Variants in NCKAP5L observed in about 807,000 individuals in gnomAD.
NCKAP5L encodes NCK associated protein 5 like, also known as nck-associated protein 5-like.
In NCKAP5L, 54 loss-of-function variants were observed where a neutral mutation model predicts 103.2. The observed-to-expected ratio is 0.52, with a 90% CI of 0.42 to 0.66. The LOEUF (loss-of-function observed/expected upper bound fraction) is 0.66, where lower values mean the gene tolerates loss of function less well. NCKAP5L is among the 30% of genes least tolerant of loss of function. NCKAP5L has a pLI of 0.00. For synonymous variants in NCKAP5L, 762 were observed against 748.6 expected, an observed-to-expected ratio of 1.02 and a Z score of -0.29; for missense variants, 1,733 against 1,750.6, an observed-to-expected ratio of 0.99 and a Z score of 0.18.
At chr12:49,801,688 C>A (rs1186533153) in intron 6 of NCKAP5L, among the ~76,000 whole-genome samples, 160 bp downstream of exon 6, 2 of 152,180 alleles carry the variant, frequency 1.3e-5, no homozygotes, top group African/African-American at 4.8e-5. Context: ...AGGGAACGGC[C>A]AAACCCAGGG....
chr12:49,795,360 G>T lies in NCKAP5L; in HGVS notation c.2500C>A (p.Leu834Ile), dbSNP rs752452678. Residue 834 changes from leucine to isoleucine, a missense_variant, in exon 8 of 13, where the codon CTA becomes ATA. Coordinates refer to ENST00000335999, the MANE Select transcript of NCKAP5L (RefSeq NM_001037806.4). ...GGCTTGGGGGACTCCTTGGTGACTA[G>T]CGGAGCCCCAGGTCGAGGCACCACC... Reference protein sequence around the residue: ...TKVVPRPGAPLVTKESPKPDK... With the variant: ...TKVVPRPGAPIVTKESPKPDK... 1 of 1,547,470 alleles carries T rather than the reference G, an allele frequency of 6.5e-7. No homozygotes were observed. The highest frequency in any genetic ancestry group is 8.7e-7 in the Non-Finnish European group (1 of 1,153,334).
chr12:49,814,132 T>A, intron 1 of NCKAP5L, among the ~76,000 whole-genome samples: 1 of 149,282 alleles, frequency 6.7e-6, no homozygotes. Flanking sequence ...TCTTTACATA[T>A]TCTAGATACA....
intron 1 of NCKAP5L, among the ~76,000 whole-genome samples, chr12:49,806,391 T>C (rs1174254932): frequency 6.6e-6 from 1 of 152,260 alleles, no homozygotes; most frequent in East Asian, 1.9e-4. Context: ...CAACATACAT[T>C]GTCTTGCCTC....
At chr12:49,793,214 T>C (rs1945968900) in intron 10 of NCKAP5L, 138 bp downstream of exon 10, 1 of 901,468 alleles carries the variant, frequency 1.1e-6, no homozygotes, top group Admixed American at 2.2e-5. Flanking sequence ...CCTGTGTAGC[T>C]CCAGTGCCCA....
At chr12:49,808,714 C>T (rs753763419) in intron 1 of NCKAP5L, among the ~76,000 whole-genome samples, 4 of 152,166 alleles carry the variant, frequency 2.6e-5, no homozygotes, top group Non-Finnish European at 2.9e-5. Context: ...GGCTGAGCAC[C>T]GCCTCCTCCC....
At position 49,796,024 on chromosome 12, in the gene NCKAP5L, C is replaced by A. The variant is rs2720298; in HGVS notation, c.1836G>T (p.Ser612=). The A allele has an allele frequency of 0.43, 662,523 of 1,550,446 alleles. 150,693 individuals are homozygous for A. The highest frequency in any genetic ancestry group is 0.7 in the African/African-American group (50,490 of 72,496). ...GVPPSPCLPE[S]YPYGSPQEKS... Reference sequence around the variant, plus strand: ...TCTCTTGGGGGCTCCCATAGGGGTACGATTCTGGGAGGCAAGGACTGGGGG... The same window carrying A: ...TCTCTTGGGGGCTCCCATAGGGGTAAGATTCTGGGAGGCAAGGACTGGGGG... Residue 612 remains serine (S), a synonymous_variant, in exon 8 of 13, where the codon TCG becomes TCT. Transcript: ENST00000335999.
rs760796522 is a variant in NCKAP5L, at chr12:49,796,380, C to T, written c.1480G>A (p.Asp494Asn). 7.0e-6 allele frequency: 11 copies of T among 1,579,716 alleles called. No individual in the cohort carries two copies. The Admixed American group carries it at 1.8e-4, about 26-fold the overall frequency. Reference protein sequence around the residue: ...SRIPCRNSGSDGSPSPLLARR... With the variant: ...SRIPCRNSGSNGSPSPLLARR... ...GCCAACAGTGGGGAGGGGCTGCCGT[C>T]TGAGCCACTGTTCCGACAGGGGATT... The change falls in exon 8 of 13, where the codon GAC (aspartate) becomes AAC (asparagine). Residue 494 changes from aspartate to asparagine, a missense_variant. By Grantham distance (23) the Asp-to-Asn change is conservative. Transcript: ENST00000335999.
Position 49,796,939 on chromosome 12 carries a change from G to C in NCKAP5L, c.921C>G (p.Asp307Glu), listed in dbSNP as rs1377146576. The C allele has an allele frequency of 6.2e-7, 1 of 1,606,112 alleles. No individual in the cohort carries two copies. Among genetic ancestry groups the C allele is most frequent in the Non-Finnish European group, 8.5e-7 (1 of 1,176,900 alleles). ...TGTCGGGGCTGGGTGCCTCATTGGG[G>C]TCACCTGCCTCATCAGAAGAGGAGG... Reference protein sequence around the residue: ...SSSSSSDEAGDPNEAPSPDTL... With the variant: ...SSSSSSDEAGEPNEAPSPDTL... Residue 307 changes from aspartate to glutamate, a missense_variant, in exon 8 of 13, where the codon GAC (aspartate) becomes GAG (glutamate). Coordinates refer to ENST00000335999, the MANE Select transcript of NCKAP5L (RefSeq NM_001037806.4).
chr12:49,809,659 T>C (rs1472414013), intron 1 of NCKAP5L, among the ~76,000 whole-genome samples: 1 of 151,986 alleles, frequency 6.6e-6, no homozygotes, highest in African/African-American at 2.4e-5. Flanking sequence ...GCAACTTCTG[T>C]CCCCACAGCA....
At chr12:49,814,143 A>G (rs1389951733) in intron 1 of NCKAP5L, among the ~76,000 whole-genome samples, 1 of 137,192 alleles carries the variant, frequency 7.3e-6, no homozygotes, top group Admixed American at 7.4e-5. Flanking sequence ...TCTAGATACA[A>G]GTCCTTTATT....
Position 49,793,804 on chromosome 12 carries a change from G to C in NCKAP5L, c.3188C>G (p.Pro1063Arg). ...FQPVSSDPKS[P>R]WPACGPRNGL... ...ATTCCGGGGCCCACAGGCTGGCCAG[G>C]GGCTCTTGGGGTCAGAAGACACCGG... The change falls in exon 9 of 13, where the codon CCC (proline) becomes CGC (arginine). Residue 1063 changes from proline to arginine, a missense_variant. Pro to Arg is a moderately radical substitution (Grantham distance 103). Transcript: ENST00000335999. 6.2e-7 allele frequency: 1 copy of C among 1,602,662 alleles called. No homozygotes were observed. Among genetic ancestry groups the C allele is most frequent in the Non-Finnish European group, 8.5e-7 (1 of 1,174,690 alleles).
At chr12:49,793,465 C>T (rs2136992318) in intron 9 of NCKAP5L, 32 bp from the exon 10 acceptor site, 3 of 1,594,936 alleles carry the variant, frequency 1.9e-6, no homozygotes, top group Non-Finnish European at 2.6e-6. Flanking sequence ...TCATAGTCCA[C>T]TCCTCCCCCC....
chr12:49,824,662 G>A (rs528694941), intron 1 of NCKAP5L, among the ~76,000 whole-genome samples: 20 of 152,340 alleles, frequency 1.3e-4, no homozygotes, highest in African/African-American at 4.8e-4. Context: ...AAACAAAGAT[G>A]GAGGCATTGC....
Position 49,791,849 on chromosome 12 carries a change from C to T in NCKAP5L, c.3995G>A (p.Ser1332Asn), listed in dbSNP as rs1945939582. ...GCGTGGCGCAGCCCCTCAGCCCTGA[C>T]TCCCACAAGAGGACAGCGAGTCGTA... ...SLYDSLSSCG[S>N]QG The change falls in exon 13 of 13, where the codon AGT becomes AAT. Residue 1332 changes from serine to asparagine, a missense_variant. By Grantham distance (46) the Ser-to-Asn change is conservative. Transcript: ENST00000335999. The T allele has an allele frequency of 1.2e-6, 2 of 1,604,770 alleles. No homozygotes were observed. Among genetic ancestry groups the T allele is most frequent in the African/African-American group, 1.3e-5 (1 of 74,790 alleles).
chr12:49,795,208 C>T lies in NCKAP5L; in HGVS notation c.2652G>A (p.Glu884=), dbSNP rs754867927. Residue 884 remains glutamate (E), a synonymous_variant, in exon 8 of 13, where the codon GAG becomes GAA. Coordinates refer to ENST00000335999, the MANE Select transcript of NCKAP5L (RefSeq NM_001037806.4). The stretch of plus-strand genomic sequence containing the variant: ...CCTCAATGCCCTTCATCACCTTCTC[C>T]TCGATGGCTGAGTGTGGGGCCAGCC... ...PEGLAPHSAI[E]EKVMKGIEEN... 3.8e-5 allele frequency: 60 copies of T among 1,578,152 alleles called. No individual in the cohort carries two copies. The highest frequency in any genetic ancestry group is 5.1e-5 in the Non-Finnish European group (59 of 1,162,526).
chr12:49,822,871 A>T (rs987134860), intron 1 of NCKAP5L, among the ~76,000 whole-genome samples: 5 of 152,094 alleles, frequency 3.3e-5, no homozygotes, highest in Non-Finnish European at 5.9e-5. Flanking sequence ...TATTTATAAA[A>T]CCTGATGAAA....
chr12:49,796,150 A>C lies in NCKAP5L; in HGVS notation c.1710T>G (p.Pro570=). ...LDLSRSTFRG[P]SPEPPPSPLQ... is the part of the protein sequence containing the mutation. ...GTGGGGATGGAGGTGGCTCTGGGGA[A>C]GGCCCCCTAAAGGTGCTCCGAGAAA... The change falls in exon 8 of 13, where the codon CCT becomes CCG. Residue 570 remains proline (P), a synonymous_variant. Transcript: ENST00000335999. 6.2e-7 allele frequency: 1 copy of C among 1,611,236 alleles called. No individual in the cohort carries two copies. Among genetic ancestry groups the C allele is most frequent in the Admixed American group, 1.7e-5 (1 of 59,670 alleles).
At chr12:49,794,610 C>T (rs1945999763) in intron 8 of NCKAP5L, among the ~76,000 whole-genome samples, 155 bp downstream of exon 8, 1 of 119,696 alleles carries the variant, frequency 8.4e-6, no homozygotes, top group South Asian at 3.0e-4. Context: ...CACTGACCCC[C>T]CCACCAGCTG....
At chr12:49,820,597 G>A (rs1946350982) in intron 1 of NCKAP5L, among the ~76,000 whole-genome samples, 1 of 152,188 alleles carries the variant, frequency 6.6e-6, no homozygotes, top group Admixed American at 6.5e-5. Flanking sequence ...TTACAGGCGT[G>A]AGCCACTGCA....
Sources: gnomAD v4.1 joint callset for allele counts (sites outside exome capture counted in the v4.1 genomes callset) on GRCh38, gnomAD v4.1.1 for gene constraint, MANE v1.5 for transcripts, NCBI Gene and HGNC (gene_info 2026-07-23, HGNC 2026-07-21) for gene names.